Variants in IFNGR1 observed in about 807,000 individuals in gnomAD.
IFNGR1 encodes the protein interferon gamma receptor 1.
Under a neutral mutation model 35.4 loss-of-function variants are expected in IFNGR1, and 23 were observed. That is an observed-to-expected ratio of 0.65 (90% CI 0.47 to 0.92). The LOEUF (loss-of-function observed/expected upper bound fraction) is 0.92. Among genes scored for constraint, IFNGR1 ranks in the 40% least tolerant of loss-of-function variants. The probability of loss-of-function intolerance (pLI) is 0.00; values close to 1 mark genes in which losing one functional copy is unlikely to be tolerated. For missense variants in IFNGR1, 533 were observed against 583.4 expected (o/e 0.91, Z 0.89); for synonymous variants, 199 against 209.5 (o/e 0.95, Z 0.43).
At chr6:137,210,883 AT>A (rs1779560092) in intron 1 of IFNGR1, among the ~76,000 whole-genome samples, 1 of 152,186 alleles carries the variant, frequency 6.6e-6, no homozygotes, top group African/African-American at 2.4e-5. Flanking sequence ...TATTGCCTTA[AT>A]TTACAATTAT....
chr6:137,215,802 C>T (rs1323306843), intron 1 of IFNGR1, among the ~76,000 whole-genome samples: 1 of 152,220 alleles, frequency 6.6e-6, no homozygotes, highest in Non-Finnish European at 1.5e-5. Flanking sequence ...GCCTAGACCT[C>T]CTGGGCTCAA....
At chr6:137,213,414 T>A (rs1779619471) in intron 1 of IFNGR1, among the ~76,000 whole-genome samples, 1 of 152,208 alleles carries the variant, frequency 6.6e-6, no homozygotes, top group Admixed American at 6.5e-5. Context: ...TTTTAAGATC[T>A]AATTCCCAGA....
intron 1 of IFNGR1, chr6:137,215,244 T>C: frequency 6.5e-7 from 1 of 1,543,182 alleles, no homozygotes. Flanking sequence ...TGTGATCGTT[T>C]AATAAAATAA....
intron 6 of IFNGR1, 86 bp downstream of exon 6, chr6:137,200,795 T>C: frequency 8.7e-7 from 1 of 1,155,936 alleles, no homozygotes; most frequent in Non-Finnish European, 1.2e-6. Context: ...TTGAATATCA[T>C]TCTACTTTAA....
rs771850288 is a variant in IFNGR1 at position 137,207,070 on chromosome 6, T to A, written c.93A>T (p.Thr31=). 5 of 1,613,870 alleles carry A rather than the reference T, an allele frequency of 3.1e-6. No homozygotes were observed. The highest frequency in any genetic ancestry group is 2.2e-5 in the South Asian group (2 of 91,066). ...AGGATTCAATTGTAACATTAGTTGG[T>A]GTAGGCACTGTAAGAAAATAAAAAA... ...TADLGPSSVP[T]PTNVTIESYN... The change falls in exon 2 of 7, where the codon ACA becomes ACT. Residue 31 remains threonine, a synonymous_variant. Coordinates refer to ENST00000367739, the MANE Select transcript of IFNGR1 (RefSeq NM_000416.3).
intron 3 of IFNGR1, among the ~76,000 whole-genome samples, chr6:137,205,111 C>A (rs1779399876): frequency 6.6e-6 from 1 of 152,046 alleles, no homozygotes; most frequent in Non-Finnish European, 1.5e-5. Flanking sequence ...CGTAGTAGGC[C>A]CTTGATAAAT....
In IFNGR1 at chr6:137,212,946, CA is replaced by C. The variant is rs529860886; in HGVS notation, c.86-5870del. ...AAAAGAAAAACTTATAAATTTACAC[CA>C]AAAGATGTAATCTGTGGTTTTTAAT... is the stretch of plus-strand genomic sequence containing the variant. On this transcript the variant is annotated intron_variant, in intron 1 of 6. Transcript: ENST00000367739. Among the ~76,000 whole-genome samples the C allele has an allele frequency of 1.1e-4, 16 of 152,182 alleles. No homozygotes were observed. The South Asian group carries it at 3.3e-3, about 32-fold the overall frequency.
At chr6:137,203,467 C>T in intron 5 of IFNGR1, 32 bp downstream of exon 5, 1 of 1,162,056 alleles carries the variant, frequency 8.6e-7, no homozygotes, top group Middle Eastern at 1.9e-4. Context: ...ACTGCTCCCT[C>T]TATATTTAGA....
chr6:137,203,414 A>G, intron 5 of IFNGR1, 85 bp downstream of exon 5: 1 of 774,748 alleles, frequency 1.3e-6, no homozygotes, highest in Admixed American at 1.8e-5. Context: ...ATCTTTTGAA[A>G]CTGCAAATGA....
chr6:137,216,814 G>A (rs1224740719), intron 1 of IFNGR1, among the ~76,000 whole-genome samples: 1 of 152,190 alleles, frequency 6.6e-6, no homozygotes, highest in East Asian at 1.9e-4. Flanking sequence ...AAGCAAGGCC[G>A]GGGTGCTTGT....
At position 137,206,968 on chromosome 6, in the gene IFNGR1, G is replaced by A. The variant is rs1242969783; in HGVS notation, c.195C>T (p.Asn65=). The A allele has an allele frequency of 7.5e-6, 12 of 1,601,580 alleles. No homozygotes were observed. Among genetic ancestry groups the A allele is most frequent in the African/African-American group, 1.3e-5 (1 of 74,646 alleles). Reference sequence around the variant, plus strand: ...AATAAAAGAGTGACACTCACCCATAGTTCTTTACCTCTACGGTAAAAACAG... The same window carrying A: ...AATAAAAGAGTGACACTCACCCATAATTCTTTACCTCTACGGTAAAAACAG... The part of the protein sequence containing the change: ...QVPVFTVEVK[N]YGVKNSEWID... The change falls in exon 2 of 7, where the codon AAC becomes AAT. Residue 65 remains asparagine, a synonymous_variant. Coordinates refer to ENST00000367739, the MANE Select transcript of IFNGR1 (RefSeq NM_000416.3).
chr6:137,215,147 A>C, intron 1 of IFNGR1: 2 of 1,263,716 alleles, frequency 1.6e-6, no homozygotes, highest in Non-Finnish European at 2.2e-6. Flanking sequence ...TTTACCAATG[A>C]GAAAACAAAG....
chr6:137,203,397 A>C, intron 5 of IFNGR1, 102 bp downstream of exon 5: 1 of 740,736 alleles, frequency 1.4e-6, no homozygotes, highest in African/African-American at 1.7e-5. Flanking sequence ...GAATATTGTT[A>C]AAACAGATCT....
intron 1 of IFNGR1, among the ~76,000 whole-genome samples, chr6:137,212,861 A>G (rs1779608241): frequency 6.6e-6 from 1 of 152,242 alleles, no homozygotes; most frequent in African/African-American, 2.4e-5. Flanking sequence ...AGCAAGACAG[A>G]CAGGTGGTAG....
intron 1 of IFNGR1, chr6:137,215,356 T>C (rs1293401526): frequency 3.3e-6 from 5 of 1,538,358 alleles, no homozygotes; most frequent in Non-Finnish European, 4.4e-6. Flanking sequence ...TTTATTACAT[T>C]ATCACAATTA....
In IFNGR1 at chr6:137,201,015, A is replaced by G. The variant is rs1422075762; in HGVS notation, c.734-7T>C. The G allele has an allele frequency of 6.2e-7, 1 of 1,613,148 alleles. No homozygotes were observed. The highest frequency in any genetic ancestry group is 2.2e-5 in the East Asian group (1 of 44,740). Reference sequence around the variant, plus strand: ...ACTGGAATCCAAAGAGAACCTTAAAAAAGGCAGAAATCACAAGTTACAATT... The same window carrying G: ...ACTGGAATCCAAAGAGAACCTTAAAGAAGGCAGAAATCACAAGTTACAATT... On this transcript the variant is annotated splice_region_variant and splice_polypyrimidine_tract_variant and intron_variant, in intron 5 of 6. Transcript: ENST00000367739.
chr6:137,202,299 G>T (rs189059048), intron 5 of IFNGR1, among the ~76,000 whole-genome samples: 2 of 152,348 alleles, frequency 1.3e-5, no homozygotes, highest in African/African-American at 4.8e-5. Flanking sequence ...CATACTATCA[G>T]TGCAGTGTAT....
intron 1 of IFNGR1, chr6:137,218,451 T>C (rs1362961371): frequency 2.3e-6 from 3 of 1,278,458 alleles, no homozygotes; most frequent in African/African-American, 1.5e-5. Context: ...AGAGACCTAC[T>C]GCCAAATCTG....
chr6:137,201,692 A>C (rs527615268), intron 5 of IFNGR1, among the ~76,000 whole-genome samples: 175 of 151,838 alleles, frequency 1.2e-3, no homozygotes, highest in African/African-American at 3.5e-3. Context: ...AAAACAACAA[A>C]AAAAAAAAGA....
Sources: gnomAD v4.1 joint callset for allele counts (sites outside exome capture counted in the v4.1 genomes callset) on GRCh38, gnomAD v4.1.1 for gene constraint, MANE v1.5 for transcripts, NCBI Gene and HGNC (gene_info 2026-07-23, HGNC 2026-07-21) for gene names.